CSNK1A1: variants seen among roughly 807,000 people sequenced by gnomAD.
The protein encoded by CSNK1A1 is casein kinase I isoform alpha.
In CSNK1A1, 7 loss-of-function variants were observed where a neutral mutation model predicts 46.1. That is an observed-to-expected ratio of 0.15 (90% confidence interval 0.09 to 0.29). The LOEUF is 0.29. Among genes scored for constraint, CSNK1A1 ranks in the 10% least tolerant of loss-of-function variants. The pLI is 1.00. For synonymous variants in CSNK1A1, 137 were observed against 141.5 expected, an observed-to-expected ratio of 0.97 and a Z score of 0.23; for missense variants, 96 against 417.1, an observed-to-expected ratio of 0.23 and a Z score of 6.71.
In CSNK1A1 at chr5:149,535,947, C is replaced by T. The variant is rs1323409409; in HGVS notation, c.231-10776G>A. 2.6e-5 allele frequency among the ~76,000 whole-genome samples: 4 copies of T among 151,852 alleles called. No individual in the cohort carries two copies. In the East Asian group the frequency reaches 7.7e-4, roughly 29 times the overall value. The stretch of plus-strand genomic sequence containing the variant: ...AGGGGTGAGCTACCACACCCAGCCA[C>T]CAAATGGCTTTCTTTCTTTTTTTGA... On this transcript the variant is annotated intron_variant, in intron 2 of 9. Transcript: ENST00000377843.
Position 149,496,383 on chromosome 5 carries a change from G to A in CSNK1A1, c.*470C>T, listed in dbSNP as rs1292398228. 1.3e-5 allele frequency: 2 copies of A among 154,316 alleles called. No individual in the cohort carries two copies. The highest frequency in any genetic ancestry group is 2.9e-5 in the Non-Finnish European group (2 of 69,280). 9.6% of individuals were successfully genotyped at this position (154,316 alleles called of 1,614,324 possible). On this transcript the variant is annotated 3_prime_UTR_variant, in exon 10 of 10. Coordinates refer to ENST00000377843, the MANE Select transcript of CSNK1A1 (RefSeq NM_001892.6). ...TAAGAATGTTTTAAGTGAACAACTT[G>A]CAAACCCCAGGGATGGAAAAACCCT...
chr5:149,550,032 C>A lies in CSNK1A1; in HGVS notation c.230+43G>T. The A allele has an allele frequency of 6.3e-7, 1 of 1,591,012 alleles. No homozygotes were observed. ...CCTGCCTCTACCCACTTCCCCATTCCGTGCTTCCCTCAGCGGATCGCCTAT... is the reference window on the plus strand; with the variant it reads ...CCTGCCTCTACCCACTTCCCCATTCAGTGCTTCCCTCAGCGGATCGCCTAT... On this transcript the variant is annotated intron_variant, in intron 2 of 9. Coordinates refer to ENST00000377843, the MANE Select transcript of CSNK1A1 (RefSeq NM_001892.6). The surrounding 1 kb of genome is among the most constrained non-coding windows in gnomAD (Gnocchi z 4.3).
chr5:149,509,851 T>A (rs1422798886), intron 7 of CSNK1A1, 28 bp downstream of exon 7: 3 of 1,560,998 alleles, frequency 1.9e-6, no homozygotes, highest in South Asian at 1.1e-5. Flanking sequence ...TCATTTATAT[T>A]TTTTTAATAT....
chr5:149,536,386 A>C (rs1762063121), intron 2 of CSNK1A1, among the ~76,000 whole-genome samples: 1 of 152,234 alleles, frequency 6.6e-6, no homozygotes, highest in Non-Finnish European at 1.5e-5. Flanking sequence ...TGCATTAATT[A>C]ATTTGCTTAG....
chr5:149,542,475 G>A (rs1384376446), intron 2 of CSNK1A1, among the ~76,000 whole-genome samples: 23 of 121,166 alleles, frequency 1.9e-4, no homozygotes, highest in African/African-American at 6.1e-4. Context: ...TGGAAAAACT[G>A]TCTTCCACGA....
intron 2 of CSNK1A1, among the ~76,000 whole-genome samples, chr5:149,533,675 C>T (rs200967651): frequency 1.5e-5 from 2 of 134,420 alleles, no homozygotes; most frequent in South Asian, 4.7e-4. Context: ...GACGTAGTTG[C>T]AAAAAAAAAA....
At chr5:149,547,195 A>G (rs1217662002) in intron 2 of CSNK1A1, among the ~76,000 whole-genome samples, 1 of 152,206 alleles carries the variant, frequency 6.6e-6, no homozygotes, top group Non-Finnish European at 1.5e-5. Context: ...TCTCTCAGGA[A>G]GCCTTAACTT....
intron 4 of CSNK1A1, among the ~76,000 whole-genome samples, chr5:149,514,920 A>G (rs1480160326): frequency 6.6e-6 from 1 of 152,210 alleles, no homozygotes; most frequent in East Asian, 1.9e-4. Context: ...TCCCTTCCTA[A>G]GCAATCAAGT....
At chr5:149,507,448 C>T (rs114188510) in intron 7 of CSNK1A1, among the ~76,000 whole-genome samples, 3 of 151,760 alleles carry the variant, frequency 2.0e-5, no homozygotes, top group South Asian at 2.1e-4. Flanking sequence ...TTATCAAAGT[C>T]GCGCCTCTTC....
At chr5:149,534,079 G>C (rs887576344) in intron 2 of CSNK1A1, among the ~76,000 whole-genome samples, 1 of 152,014 alleles carries the variant, frequency 6.6e-6, no homozygotes, top group African/African-American at 2.4e-5. Flanking sequence ...CCTTTATGTG[G>C]GTAAATTATA....
chr5:149,526,677 C>G (rs979583578), intron 2 of CSNK1A1, among the ~76,000 whole-genome samples: 1 of 152,090 alleles, frequency 6.6e-6, no homozygotes, highest in Non-Finnish European at 1.5e-5. Flanking sequence ...TGTGGCTCTT[C>G]TTTAAGAAAA....
At chr5:149,531,722 T>C (rs13165707) in intron 2 of CSNK1A1, among the ~76,000 whole-genome samples, 92 of 84,370 alleles carry the variant, frequency 1.1e-3, no homozygotes, top group South Asian at 5.6e-3. Flanking sequence ...AAACAAAAAA[T>C]TAGCCGCACA....
intron 9 of CSNK1A1, chr5:149,497,574 G>A (rs1442397322): frequency 2.0e-6 from 2 of 985,246 alleles, no homozygotes; most frequent in African/African-American, 3.5e-5. Flanking sequence ...AATACAAGAA[G>A]CCTCAGGTCA....
intron 2 of CSNK1A1, among the ~76,000 whole-genome samples, chr5:149,528,283 C>T (rs1335067171): frequency 6.6e-6 from 1 of 152,170 alleles, no homozygotes; most frequent in Non-Finnish European, 1.5e-5. Context: ...AAATAAGCGT[C>T]TCAAAGGCAT....
At chr5:149,519,016 T>C (rs1761483783) in intron 4 of CSNK1A1, among the ~76,000 whole-genome samples, 1 of 152,110 alleles carries the variant, frequency 6.6e-6, no homozygotes, top group South Asian at 2.1e-4. Flanking sequence ...AATTTTTTTT[T>C]CAATTGAATT....
chr5:149,535,182 T>C (rs1762025424), intron 2 of CSNK1A1, among the ~76,000 whole-genome samples: 1 of 152,170 alleles, frequency 6.6e-6, no homozygotes, highest in South Asian at 2.1e-4. Flanking sequence ...CTTTCTTTAT[T>C]CAACAGCCCA....
At chr5:149,531,646 G>A (rs1198437189) in intron 2 of CSNK1A1, among the ~76,000 whole-genome samples, 17 of 150,014 alleles carry the variant, frequency 1.1e-4, no homozygotes, top group African/African-American at 3.7e-4. Context: ...TCAGGAGTTC[G>A]AGACCAGCCT....
intron 4 of CSNK1A1, among the ~76,000 whole-genome samples, chr5:149,513,803 G>A (rs1250100524): frequency 6.6e-6 from 1 of 151,938 alleles, no homozygotes; most frequent in African/African-American, 2.4e-5. Context: ...AAGAGGCTGA[G>A]GCAGGAGAAT....
chr5:149,536,506 C>T (rs1762066838), intron 2 of CSNK1A1, among the ~76,000 whole-genome samples: 1 of 151,878 alleles, frequency 6.6e-6, no homozygotes, highest in Non-Finnish European at 1.5e-5. Flanking sequence ...AAAATGAATA[C>T]AAAAAGAAAA....
Sources: allele counts gnomAD v4.1 joint callset (sites outside exome capture counted in the v4.1 genomes callset), GRCh38; gene constraint gnomAD v4.1.1; non-coding constraint Gnocchi (gnomAD v3.1); transcripts MANE v1.5; gene names NCBI Gene and HGNC (gene_info 2026-07-23, HGNC 2026-07-21).